TAFA1: variants seen among roughly 807,000 people sequenced by gnomAD.
The protein encoded by TAFA1 is chemokine-like protein TAFA-1.
TAFA1 carries 4 observed loss-of-function variants against 18.5 expected under a neutral mutation model. That is an observed-to-expected ratio of 0.22 (90% confidence interval 0.11 to 0.49). The LOEUF is 0.49. Among genes scored for constraint, TAFA1 ranks in the 20% least tolerant of loss-of-function variants. The pLI is 0.98. For missense variants in TAFA1, 147 were observed against 169.0 expected (o/e 0.87, Z 0.72); for synonymous variants, 56 against 55.2 (o/e 1.01, Z -0.06).
intron 2 of TAFA1, among the ~76,000 whole-genome samples, chr3:68,254,695 C>T (rs572742807): frequency 1.7e-4 from 26 of 151,882 alleles, no homozygotes; most frequent in Middle Eastern, 3.4e-3. Context: ...ACAGATGATC[C>T]CAGGATTTAA....
At chr3:67,996,467 A>C in the TAFA1 span, among the ~76,000 whole-genome samples, 1 of 152,150 alleles carries the variant, frequency 6.6e-6, no homozygotes, top group Non-Finnish European at 1.5e-5. Flanking sequence ...AATGTTTCTG[A>C]AAGAGAGAAC....
chr3:68,465,859 G>T (rs1437344123), intron 3 of TAFA1, among the ~76,000 whole-genome samples: 1 of 152,050 alleles, frequency 6.6e-6, no homozygotes, highest in Non-Finnish European at 1.5e-5. Flanking sequence ...AAAAACTTGG[G>T]GAATAAGTTA....
chr3:68,452,694 T>C (rs1383343672), intron 3 of TAFA1, among the ~76,000 whole-genome samples: 1 of 152,154 alleles, frequency 6.6e-6, no homozygotes, highest in East Asian at 1.9e-4. Context: ...GAGGATGTCT[T>C]TGTTTTCCAT....
intron 2 of TAFA1, among the ~76,000 whole-genome samples, chr3:68,085,883 G>A (rs896162798): frequency 6.6e-6 from 1 of 152,154 alleles, no homozygotes; most frequent in African/African-American, 2.4e-5. Context: ...CTGCAACACA[G>A]TATCCAGCCA....
intron 2 of TAFA1, among the ~76,000 whole-genome samples, chr3:68,304,893 G>A (rs967743290): frequency 3.9e-5 from 6 of 152,072 alleles, no homozygotes; most frequent in African/African-American, 1.4e-4. Flanking sequence ...CAGGCAAAAG[G>A]TCACCCCAGT....
At chr3:68,401,992 A>G (rs576339595) in intron 2 of TAFA1, among the ~76,000 whole-genome samples, 1 of 152,312 alleles carries the variant, frequency 6.6e-6, no homozygotes, top group African/African-American at 2.4e-5. Context: ...AATACTAAGA[A>G]CAAACACTTA....
chr3:68,024,805 GCACACACACA>G (rs3037727), intron 2 of TAFA1, among the ~76,000 whole-genome samples: 3 of 73,582 alleles, frequency 4.1e-5, no homozygotes, highest in African/African-American at 1.5e-4. Flanking sequence ...TCTCCTTAAT[GCACACACACA>G]CACACACACA....
rs367857831 is a variant in TAFA1 at position 68,172,203 on chromosome 3, C to T, written c.118+165459C>T. On this transcript the variant is annotated intron_variant, in intron 2 of 4. Coordinates refer to ENST00000478136, the MANE Select transcript of TAFA1 (RefSeq NM_213609.4). ...AACAAAGACAGAATCTTGAGAGCAACAGAGAAACATGACTTATCACATGCA... is the reference window on the plus strand; with the variant it reads ...AACAAAGACAGAATCTTGAGAGCAATAGAGAAACATGACTTATCACATGCA... Among the ~76,000 whole-genome samples the T allele has an allele frequency of 9.9e-5, 15 of 152,238 alleles. No individual in the cohort carries two copies. The East Asian group carries it at 2.3e-3, about 24-fold the overall frequency.
intron 4 of TAFA1, among the ~76,000 whole-genome samples, chr3:68,540,979 C>T (rs1346928329): frequency 6.6e-6 from 1 of 152,168 alleles, no homozygotes; most frequent in Non-Finnish European, 1.5e-5. Flanking sequence ...ACACCATTTG[C>T]TACCTCCCTG....
intron 2 of TAFA1, among the ~76,000 whole-genome samples, chr3:68,019,373 T>G (rs988645524): frequency 4.6e-5 from 7 of 152,196 alleles, no homozygotes; most frequent in Non-Finnish European, 1.0e-4. Context: ...CCATAGACCC[T>G]TTTGTGCCCC....
At chr3:68,214,293 C>T (rs1265551404) in intron 2 of TAFA1, among the ~76,000 whole-genome samples, 1 of 152,102 alleles carries the variant, frequency 6.6e-6, no homozygotes, top group Non-Finnish European at 1.5e-5. Context: ...AATGTTATTT[C>T]CTTATTAAAC....
chr3:68,500,654 A>T (rs1486032533), intron 3 of TAFA1, among the ~76,000 whole-genome samples: 1 of 152,072 alleles, frequency 6.6e-6, no homozygotes, highest in Non-Finnish European at 1.5e-5. Flanking sequence ...AGTAGCTGTG[A>T]CAATGAGTAT....
At chr3:68,234,384 G>T (rs1462924839) in intron 2 of TAFA1, among the ~76,000 whole-genome samples, 1 of 152,110 alleles carries the variant, frequency 6.6e-6, no homozygotes, top group African/African-American at 2.4e-5. Flanking sequence ...GATATATATA[G>T]GGCTTGAGGA....
At chr3:68,176,585 G>A (rs760066818) in intron 2 of TAFA1, among the ~76,000 whole-genome samples, 1 of 152,216 alleles carries the variant, frequency 6.6e-6, no homozygotes, top group Middle Eastern at 3.2e-3. Flanking sequence ...ATAGTGGGAA[G>A]TGCTATTACC....
chr3:68,086,095 G>A (rs2064967084), intron 2 of TAFA1, among the ~76,000 whole-genome samples: 1 of 152,286 alleles, frequency 6.6e-6, no homozygotes, highest in African/African-American at 2.4e-5. Flanking sequence ...ATACTAAAAT[G>A]GGCAGTTATT....
At chr3:68,058,213 T>C (rs1394762204) in intron 2 of TAFA1, among the ~76,000 whole-genome samples, 1 of 152,178 alleles carries the variant, frequency 6.6e-6, no homozygotes, top group Non-Finnish European at 1.5e-5. Flanking sequence ...TTGAGAAAGT[T>C]ATGCAACAAC....
At chr3:68,316,049 C>T (rs1280986119) in intron 2 of TAFA1, among the ~76,000 whole-genome samples, 1 of 152,176 alleles carries the variant, frequency 6.6e-6, no homozygotes, top group African/African-American at 2.4e-5. Flanking sequence ...ATTTCAGAGC[C>T]AGATAATTCC....
At chr3:68,007,348 A>T (rs1704376200) in intron 2 of TAFA1, among the ~76,000 whole-genome samples, 1 of 151,684 alleles carries the variant, frequency 6.6e-6, no homozygotes, top group Non-Finnish European at 1.5e-5. Flanking sequence ...TGTTTTTCCT[A>T]TATTGAATTT....
chr3:68,047,539 C>T (rs2064404712), intron 2 of TAFA1, among the ~76,000 whole-genome samples: 1 of 152,046 alleles, frequency 6.6e-6, no homozygotes, highest in East Asian at 1.9e-4. Flanking sequence ...TTTGGAAATG[C>T]CACATAATTT....
Sources: gnomAD v4.1 joint callset for allele counts (sites outside exome capture counted in the v4.1 genomes callset) on GRCh38, gnomAD v4.1.1 for gene constraint, MANE v1.5 for transcripts, NCBI Gene and HGNC (gene_info 2026-07-23, HGNC 2026-07-21) for gene names.